SFMBT1: variants seen among roughly 807,000 people sequenced by gnomAD.
SFMBT1 encodes Scm like with four mbt domains 1.
Under a neutral mutation model 108.7 loss-of-function variants are expected in SFMBT1, and 32 were observed. That is an observed-to-expected ratio of 0.29 (90% CI 0.22 to 0.40). The LOEUF is 0.40. SFMBT1 is among the 10% of genes least tolerant of loss of function. SFMBT1 has a pLI of 1.00. For missense variants in SFMBT1, 816 were observed against 1,059.6 expected (o/e 0.77, Z 3.19); for synonymous variants, 348 against 369.5 (o/e 0.94, Z 0.67).
intron 3 of SFMBT1, among the ~76,000 whole-genome samples, chr3:52,948,990 C>G (rs772365510): frequency 6.6e-6 from 1 of 151,650 alleles, no homozygotes; most frequent in Non-Finnish European, 1.5e-5. Flanking sequence ...ACATTTAATC[C>G]TAGACATTTT....
chr3:52,929,641 G>C (rs986687371), intron 8 of SFMBT1, among the ~76,000 whole-genome samples: 7 of 152,148 alleles, frequency 4.6e-5, no homozygotes, highest in African/African-American at 1.7e-4. Context: ...ATCCCTCCTT[G>C]CTTTGAGAAT....
Position 52,918,508 on chromosome 3 carries a change from A to G in SFMBT1, c.1391T>C (p.Ile464Thr). 6.4e-7 allele frequency: 1 copy of G among 1,563,160 alleles called. No individual in the cohort carries two copies. Among genetic ancestry groups the G allele is most frequent in the Non-Finnish European group, 8.6e-7 (1 of 1,161,330 alleles). ...RRARVYKQRK[I>T]AVVQPEKQVP... ...CTGTTTTTCTGGCTGAACCACTGCAATTTTCCTCTGTTTATATACTGTAGA... is the reference window on the plus strand; with the variant it reads ...CTGTTTTTCTGGCTGAACCACTGCAGTTTTCCTCTGTTTATATACTGTAGA... Residue 464 changes from isoleucine to threonine, a missense_variant, in exon 13 of 21, where the codon ATT becomes ACT. By Grantham distance (89) the Ile-to-Thr change is moderately conservative (BLOSUM62 -1). Around this residue, in one of 5 missense-constraint regions of SFMBT1, gnomAD observed 495 missense variants for 607.4 expected, o/e 0.81. Coordinates refer to ENST00000394752, the MANE Select transcript of SFMBT1 (RefSeq NM_016329.4).
intron 1 of SFMBT1, among the ~76,000 whole-genome samples, chr3:53,000,262 C>CT (rs144089705): frequency 0.3 from 40,163 of 134,732 alleles, 7,672 homozygotes; most frequent in Middle Eastern, 0.42. Context: ...TCTTAAGCCA[C>CT]TTTTTTTTTT....
intron 4 of SFMBT1, among the ~76,000 whole-genome samples, chr3:52,941,593 C>CAAAA (rs145581859): frequency 0.029 from 1,880 of 63,984 alleles, 201 homozygotes; most frequent in South Asian, 0.13. Context: ...GACTCTGTTT[C>CAAAA]AAAAAAAAAA....
At position 52,911,029 on chromosome 3, in the gene SFMBT1, C is replaced by G; in HGVS notation, c.1880G>C (p.Cys627Ser). The change falls in exon 17 of 21, where the codon TGT (cysteine) becomes TCT (serine). Residue 627 changes from cysteine to serine, a missense_variant. Transcript: ENST00000394752. ...RMVLDKCSEN[C>S]SVLTKTKYTH... ...GTATTTGGTCTTTGTAAGTACAGAA[C>G]AGTTCTCAGAACACTTATCCAGAAC... The G allele has an allele frequency of 1.2e-6, 2 of 1,614,160 alleles. No individual in the cohort carries two copies. Among genetic ancestry groups the G allele is most frequent in the Non-Finnish European group, 8.5e-7 (1 of 1,180,012 alleles).
At chr3:52,979,790 A>G (rs1704646263) in intron 1 of SFMBT1, among the ~76,000 whole-genome samples, 1 of 152,206 alleles carries the variant, frequency 6.6e-6, no homozygotes, top group Non-Finnish European at 1.5e-5. Context: ...AGCACTTATT[A>G]TCGCCACACC....
chr3:53,034,248 TA>T (rs1362490359), intron 1 of SFMBT1, among the ~76,000 whole-genome samples: 1 of 152,220 alleles, frequency 6.6e-6, no homozygotes, highest in Admixed American at 6.5e-5. Context: ...AATAATACTT[TA>T]TAAAATTTAA....
At chr3:53,022,776 T>C (rs932634224) in intron 1 of SFMBT1, among the ~76,000 whole-genome samples, 1 of 152,190 alleles carries the variant, frequency 6.6e-6, no homozygotes, top group Admixed American at 6.5e-5. Flanking sequence ...AAATGGGAAG[T>C]TATTATTTAA....
At chr3:53,020,840 T>A (rs555749218) in intron 1 of SFMBT1, among the ~76,000 whole-genome samples, 2 of 152,274 alleles carry the variant, frequency 1.3e-5, no homozygotes, top group Admixed American at 6.5e-5. Flanking sequence ...GCGGATCACC[T>A]GAGGTCAGGA....
Position 52,957,960 on chromosome 3 carries a change from G to A in SFMBT1, c.29-3549C>T, listed in dbSNP as rs564466716. Among the ~76,000 whole-genome samples, 147 of 152,216 alleles carry A rather than the reference G, an allele frequency of 9.7e-4. 1 individual carries two copies. Among genetic ancestry groups the A allele is most frequent in the African/African-American group, 3.2e-3 (133 of 41,538 alleles). ...GCAACAAAAGCAAAAATTGACAAACGGGATCTAATTAAACTAAAGAGCTTC... is the reference window on the plus strand; with the variant it reads ...GCAACAAAAGCAAAAATTGACAAACAGGATCTAATTAAACTAAAGAGCTTC... On this transcript the variant is annotated intron_variant, in intron 2 of 20. Transcript: ENST00000394752.
intron 1 of SFMBT1, among the ~76,000 whole-genome samples, chr3:53,001,282 T>C (rs1482884538): frequency 6.7e-6 from 1 of 150,152 alleles, no homozygotes. Context: ...TTTCTTTTAG[T>C]TAGCTAGGTG....
At chr3:53,041,925 A>G (rs992012200) in intron 1 of SFMBT1, among the ~76,000 whole-genome samples, 11 of 152,142 alleles carry the variant, frequency 7.2e-5, no homozygotes, top group African/African-American at 2.4e-4. Flanking sequence ...CGAATGCTAT[A>G]TACTAAAAGA....
chr3:52,955,844 C>T (rs1270533446), intron 2 of SFMBT1, among the ~76,000 whole-genome samples: 1 of 152,224 alleles, frequency 6.6e-6, no homozygotes, highest in Non-Finnish European at 1.5e-5. Flanking sequence ...TCCTCCCTAA[C>T]TCACTTTATG....
chr3:52,941,200 T>A (rs1703169235), intron 4 of SFMBT1, among the ~76,000 whole-genome samples: 1 of 152,100 alleles, frequency 6.6e-6, no homozygotes, highest in Non-Finnish European at 1.5e-5. Context: ...ATCAAAGTCA[T>A]GAAAGACGAA....
At chr3:52,910,757 G>A (rs1232394103) in intron 17 of SFMBT1, among the ~76,000 whole-genome samples, 1 of 152,144 alleles carries the variant, frequency 6.6e-6, no homozygotes, top group Non-Finnish European at 1.5e-5. Flanking sequence ...CCAAAGTGCT[G>A]GGATTACAGG....
At chr3:53,028,561 T>C (rs574393958) in intron 1 of SFMBT1, among the ~76,000 whole-genome samples, 40 of 152,298 alleles carry the variant, frequency 2.6e-4, no homozygotes, top group African/African-American at 9.6e-4. Context: ...TAGTCCCAGC[T>C]ACTCGGGAGG....
chr3:52,926,602 C>T lies in SFMBT1; in HGVS notation c.1049-489G>A, dbSNP rs73085000. ...AAATGTGTCTCAGATATCACTGATA[C>T]AAATCCTCTTGTCATTTTCAGATTC... On this transcript the variant is annotated intron_variant, in intron 9 of 20. Transcript: ENST00000394752. Among the ~76,000 whole-genome samples the T allele has an allele frequency of 6.0e-3, 916 of 152,306 alleles. 5 individuals are homozygous for T. The highest frequency in any genetic ancestry group is 9.5e-3 in the Non-Finnish European group (645 of 68,020).
intron 3 of SFMBT1, among the ~76,000 whole-genome samples, chr3:52,949,194 T>G (rs995040180): frequency 1.6e-4 from 24 of 152,180 alleles, no homozygotes; most frequent in African/African-American, 4.6e-4. Flanking sequence ...TGATTTATAT[T>G]ATTTTAAATT....
At chr3:52,983,884 G>A (rs924393781) in intron 1 of SFMBT1, among the ~76,000 whole-genome samples, 11 of 152,172 alleles carry the variant, frequency 7.2e-5, no homozygotes, top group South Asian at 6.2e-4. Flanking sequence ...CTGAGCAGAG[G>A]AGGAACATAA....
Sources: allele counts gnomAD v4.1 joint callset (sites outside exome capture counted in the v4.1 genomes callset), GRCh38; gene constraint gnomAD v4.1.1; regional missense constraint gnomAD v4.1.1; transcripts MANE v1.5; gene names NCBI Gene and HGNC (gene_info 2026-07-23, HGNC 2026-07-21).